The following DNAH9 variants were observed in gnomAD, a reference collection of about 807,000 sequenced individuals.
The protein encoded by DNAH9 is dynein axonemal heavy chain 9.
DNAH9 carries 345 observed loss-of-function variants against 471.6 expected under a neutral mutation model. That is an observed-to-expected ratio of 0.73 (90% confidence interval 0.67 to 0.80). DNAH9 has a LOEUF of 0.80. Among genes scored for constraint, DNAH9 ranks in the 30% least tolerant of loss-of-function variants. The pLI, the probability that DNAH9 is intolerant of heterozygous loss-of-function variation, is 0.00. For synonymous variants in DNAH9, 2,093 were observed against 2,123.6 expected (o/e 0.99, Z 0.40); for missense variants, 5,407 against 5,609.2 (o/e 0.96, Z 1.15).
chr17:11,852,850 A>G (rs1971476359), intron 49 of DNAH9, among the ~76,000 whole-genome samples: 1 of 133,724 alleles, frequency 7.5e-6, no homozygotes, highest in Admixed American at 7.4e-5. Context: ...ATATATATAT[A>G]TATATATATA....
chr17:11,935,844 CAGAAAAA>C (rs1974694515), intron 65 of DNAH9, among the ~76,000 whole-genome samples: 1 of 151,932 alleles, frequency 6.6e-6, no homozygotes, highest in South Asian at 2.1e-4. Context: ...TCATTTGATC[CAGAAAAA>C]TTGGACCTAT....
At chr17:11,899,757 T>A (rs549591290) in intron 59 of DNAH9, among the ~76,000 whole-genome samples, 3 of 152,258 alleles carry the variant, frequency 2.0e-5, no homozygotes, top group African/African-American at 7.2e-5. Flanking sequence ...GAAAGTCAGC[T>A]CCTCGGCACA....
Position 11,769,225 on chromosome 17 carries a change from G to A in DNAH9, c.7448G>A (p.Gly2483Asp). The change falls in exon 38 of 69, where the codon GGC (glycine) becomes GAC (aspartate). Residue 2483 changes from glycine to aspartate, a missense_variant. By Grantham distance (94) the Gly-to-Asp change is moderately conservative. This residue lies in a region of DNAH9 where 4,636 missense variants were observed against 4,900.3 expected (regional missense o/e 0.95). Transcript: ENST00000262442. ...ATGCTGGTGGGCACGGCTGGCACTG[G>A]CAAGTCGGTGCTGGTGGGAGCTAAG... ...PVMLVGTAGT[G>D]KSVLVGAKLA... is the part of the protein sequence containing the mutation. The A allele has an allele frequency of 6.2e-7, 1 of 1,614,192 alleles. No homozygotes were observed. Among genetic ancestry groups the A allele is most frequent in the South Asian group, 1.1e-5 (1 of 91,082 alleles).
At position 11,822,640 on chromosome 17, in the gene DNAH9, A is replaced by G. The variant is rs780810948; in HGVS notation, c.9012+41A>G. ...AGACACTCCTAAAAGTCCTTCCCAGATGAGGGTACAATGAATTCCCTGTCC... is the reference window on the plus strand; with the variant it reads ...AGACACTCCTAAAAGTCCTTCCCAGGTGAGGGTACAATGAATTCCCTGTCC... On this transcript the variant is annotated intron_variant, in intron 47 of 68. Transcript: ENST00000262442. 145 of 1,610,074 alleles carry G rather than the reference A, an allele frequency of 9.0e-5. 1 individual carries two copies. Among genetic ancestry groups the G allele is most frequent in the Middle Eastern group, 6.6e-4 (4 of 6,036 alleles).
intron 31 of DNAH9, among the ~76,000 whole-genome samples, chr17:11,746,251 A>G (rs945391178): frequency 1.3e-5 from 2 of 152,168 alleles, no homozygotes; most frequent in Non-Finnish European, 2.9e-5. Flanking sequence ...GAAACTTACA[A>G]TCATGGCAGA....
At chr17:11,950,286 G>GACTT (rs1433481138) in intron 67 of DNAH9, among the ~76,000 whole-genome samples, 2 of 152,184 alleles carry the variant, frequency 1.3e-5, no homozygotes, top group African/African-American at 2.4e-5. Flanking sequence ...CTCAGTGTTA[G>GACTT]ACTTTCTATG....
intron 26 of DNAH9, among the ~76,000 whole-genome samples, chr17:11,709,653 C>T (rs910082570): frequency 4.6e-5 from 7 of 152,250 alleles, no homozygotes; most frequent in Non-Finnish European, 8.8e-5. Context: ...ATGGTTCAGT[C>T]CTTGTCACAG....
At chr17:11,660,617 C>G (rs570598371) in intron 14 of DNAH9, among the ~76,000 whole-genome samples, 1 of 152,260 alleles carries the variant, frequency 6.6e-6, no homozygotes, top group Non-Finnish European at 1.5e-5. Context: ...ACTACCATGC[C>G]CAGCTCTTGT....
In DNAH9 at chr17:11,858,367, T is replaced by C. The variant is rs114256417; in HGVS notation, c.9933+3939T>C. 2.0e-3 allele frequency among the ~76,000 whole-genome samples: 306 copies of C among 152,312 alleles called. 2 individuals are homozygous for C. Among genetic ancestry groups the C allele is most frequent in the African/African-American group, 7.1e-3 (295 of 41,576 alleles). On this transcript the variant is annotated intron_variant, in intron 50 of 68. Transcript: ENST00000262442. ...TGTTCCAGTTGGCCCACGCAGTCTA[T>C]TTGCAGATGATTTAATTAATTGCCA... is the stretch of plus-strand genomic sequence containing the variant.
chr17:11,833,249 G>C (rs1004172046), intron 48 of DNAH9, among the ~76,000 whole-genome samples: 5 of 152,362 alleles, frequency 3.3e-5, no homozygotes, highest in Admixed American at 2.0e-4. Flanking sequence ...GGGAAATTCA[G>C]CTGGCCTGGG....
intron 41 of DNAH9, among the ~76,000 whole-genome samples, chr17:11,791,822 G>A (rs1488756939): frequency 6.6e-6 from 1 of 152,204 alleles, no homozygotes; most frequent in Non-Finnish European, 1.5e-5. Flanking sequence ...GACAGGAGAG[G>A]TGTCTTGGGC....
In DNAH9 at chr17:11,875,172, T is replaced by C. The variant is rs767316678; in HGVS notation, c.10466T>C (p.Ile3489Thr). ...KYGEDLRVTQIGQKGYLQIIE... is the reference protein window; with the variant it reads ...KYGEDLRVTQTGQKGYLQIIE... ...GGTGAAGATCTCCGGGTCACGCAGATTGGTCAGAAAGGGTAAGTGGTTGAG... is the reference window on the plus strand; with the variant it reads ...GGTGAAGATCTCCGGGTCACGCAGACTGGTCAGAAAGGGTAAGTGGTTGAG... The change falls in exon 53 of 69, where the codon ATT (isoleucine) becomes ACT (threonine). Residue 3489 changes from isoleucine (I) to threonine (T), a missense_variant. Ile to Thr is a moderately conservative substitution (Grantham distance 89). This residue lies in a region of DNAH9 where 4,636 missense variants were observed against 4,900.3 expected (regional missense o/e 0.95). Coordinates refer to ENST00000262442, the MANE Select transcript of DNAH9 (RefSeq NM_001372.4). 1 of 1,613,540 alleles carries C rather than the reference T, an allele frequency of 6.2e-7. No individual in the cohort carries two copies. The highest frequency in any genetic ancestry group is 1.1e-5 in the South Asian group (1 of 91,018).
rs374401509 is a variant in DNAH9, at chr17:11,937,483, C to T, written c.12621C>T (p.Ser4207=). 1,089 of 1,613,606 alleles carry T rather than the reference C, an allele frequency of 6.7e-4. 16 individuals carry two copies. The South Asian group carries it at 0.011, about 17-fold the overall frequency. ...RTVLELQPRD[S]QARDGAGATR... is the part of the protein sequence containing the mutation. ...TGCTGGAGCTGCAGCCTCGGGACAG[C>T]CAGGCCAGAGACGGAGCGGGCGCCA... The change falls in exon 66 of 69, where the codon AGC becomes AGT. Residue 4207 remains serine, a synonymous_variant. Transcript: ENST00000262442. This position sits in a 1 kb window ranked among gnomAD's most constrained non-coding sequence, Gnocchi z 4.1.
intron 1 of DNAH9, 63 bp downstream of exon 1, chr17:11,598,978 A>G (rs2072325766): frequency 4.7e-6 from 6 of 1,278,250 alleles, no homozygotes; most frequent in African/African-American, 1.6e-5. Context: ...GAGGAGCCTT[A>G]AGGGACGGAG....
chr17:11,884,548 C>T (rs1043229524), intron 56 of DNAH9: 4 of 455,924 alleles, frequency 8.8e-6, no homozygotes, highest in East Asian at 7.0e-5. Flanking sequence ...ATTGGGATTT[C>T]TCCAAATATG....
intron 43 of DNAH9, among the ~76,000 whole-genome samples, chr17:11,804,734 C>T (rs993384617): frequency 6.6e-6 from 1 of 151,884 alleles, no homozygotes; most frequent in East Asian, 1.9e-4. Context: ...ATTAGCCGAG[C>T]GTGGTGGCAG....
At chr17:11,658,510 G>A (rs1345102489) in intron 14 of DNAH9, among the ~76,000 whole-genome samples, 1 of 150,480 alleles carries the variant, frequency 6.6e-6, no homozygotes, top group Admixed American at 6.6e-5. Flanking sequence ...TTTCTTTTTG[G>A]CCTTATTGCT....
At chr17:11,798,699 C>T (rs913750820) in intron 43 of DNAH9, among the ~76,000 whole-genome samples, 1 of 152,088 alleles carries the variant, frequency 6.6e-6, no homozygotes, top group African/African-American at 2.4e-5. Context: ...AGGGTACTCA[C>T]GGTCTTAGCA....
intron 62 of DNAH9, among the ~76,000 whole-genome samples, chr17:11,928,990 G>GAGTT (rs1403312597): frequency 2.6e-5 from 4 of 151,286 alleles, no homozygotes; most frequent in Admixed American, 1.3e-4. Flanking sequence ...AGGTAATGGG[G>GAGTT]AGTTAGACTT....
Sources: gnomAD v4.1 joint callset for allele counts (sites outside exome capture counted in the v4.1 genomes callset) on GRCh38, gnomAD v4.1.1 for gene constraint, gnomAD v4.1.1 regional missense constraint, Gnocchi (gnomAD v3.1) non-coding constraint, MANE v1.5 for transcripts, NCBI Gene and HGNC (gene_info 2026-07-23, HGNC 2026-07-21) for gene names.